The following RAB10 variants were observed in gnomAD, a reference collection of about 807,000 sequenced individuals.
RAB10 encodes the protein ras-related protein Rab-10.
RAB10 carries 5 observed loss-of-function variants against 25.7 expected under a neutral mutation model. The ratio of observed to expected loss-of-function variants is 0.19; its 90% confidence interval spans 0.10 to 0.41. The LOEUF (loss-of-function observed/expected upper bound fraction) is 0.41. RAB10 is among the 10% of genes least tolerant of loss of function. RAB10 has a pLI of 1.00. For missense variants in RAB10, 103 were observed against 245.8 expected, an observed-to-expected ratio of 0.42 and a Z score of 3.89; for synonymous variants, 89 against 86.4, an observed-to-expected ratio of 1.03 and a Z score of -0.16.
At chr2:26,134,887 A>C in intron 5 of RAB10, 51 bp from the exon 6 acceptor site, 2 of 1,413,344 alleles carry the variant, frequency 1.4e-6, no homozygotes, top group South Asian at 2.4e-5. Context: ...TCGTGATTTT[A>C]TCCATGGCAG....
chr2:26,119,372 G>A (rs187900725), intron 3 of RAB10, among the ~76,000 whole-genome samples: 9 of 152,056 alleles, frequency 5.9e-5, no homozygotes, highest in African/African-American at 2.2e-4. Context: ...TTATAGCAGT[G>A]CATTCCAGCC....
intron 1 of RAB10, among the ~76,000 whole-genome samples, chr2:26,041,914 GAAAAGA>G (rs1007878015): frequency 6.6e-6 from 1 of 151,934 alleles, no homozygotes; most frequent in Non-Finnish European, 1.5e-5. Flanking sequence ...CAAAAAAAAA[GAAAAGA>G]AAAAGAGAAA....
rs370563367 is a variant in RAB10, at chr2:26,128,187, G to A, written c.519+236G>A. On this transcript the variant is annotated intron_variant, in intron 5 of 5. Coordinates refer to ENST00000264710, the MANE Select transcript of RAB10 (RefSeq NM_016131.5). The stretch of plus-strand genomic sequence containing the variant: ...ACTACCCCACCTCAGATCATCAGGC[G>A]TTAGATCCTCCTAAGGAGCACGCAA... Among the ~76,000 whole-genome samples, 69 of 152,256 alleles carry A rather than the reference G, an allele frequency of 4.5e-4. 2 individuals carry two copies. In the South Asian group the frequency reaches 0.013, roughly 28 times the overall value.
intron 1 of RAB10, among the ~76,000 whole-genome samples, chr2:26,072,763 A>G (rs1284905229): frequency 6.6e-6 from 1 of 152,252 alleles, no homozygotes; most frequent in East Asian, 1.9e-4. Context: ...TCCAAGTGTT[A>G]TCTATTAAGC....
At chr2:26,118,635 T>C (rs1194390852) in intron 3 of RAB10, among the ~76,000 whole-genome samples, 1 of 152,204 alleles carries the variant, frequency 6.6e-6, no homozygotes, top group African/African-American at 2.4e-5. Context: ...TGATTCTCAG[T>C]CAAGGACAGT....
intron 1 of RAB10, among the ~76,000 whole-genome samples, chr2:26,087,714 C>G (rs1264510374): frequency 6.6e-6 from 1 of 152,110 alleles, no homozygotes; most frequent in Non-Finnish European, 1.5e-5. Flanking sequence ...TCTGCTGTTA[C>G]TTTTTATTTT....
chr2:26,068,558 T>C (rs1666558378), intron 1 of RAB10, among the ~76,000 whole-genome samples: 1 of 152,174 alleles, frequency 6.6e-6, no homozygotes, highest in African/African-American at 2.4e-5. Context: ...AATTTTTTTT[T>C]TGAGGTGATC....
intron 1 of RAB10, among the ~76,000 whole-genome samples, chr2:26,035,176 A>C (rs1048478243): frequency 2.0e-5 from 3 of 152,222 alleles, no homozygotes; most frequent in Admixed American, 2.0e-4. Flanking sequence ...GATAACTTAG[A>C]GTAAACTTGA....
At chr2:26,058,052 T>TA (rs906966486) in intron 1 of RAB10, among the ~76,000 whole-genome samples, 1 of 152,214 alleles carries the variant, frequency 6.6e-6, no homozygotes, top group African/African-American at 2.4e-5. Context: ...CCATAGTAGA[T>TA]ACTCAGATAT....
intron 1 of RAB10, among the ~76,000 whole-genome samples, chr2:26,081,712 C>T (rs1458948513): frequency 1.3e-5 from 2 of 151,950 alleles, no homozygotes; most frequent in African/African-American, 4.8e-5. Flanking sequence ...TTCAACTTCT[C>T]TGGAAAGTTA....
chr2:26,058,969 G>A (rs1184128049), intron 1 of RAB10, among the ~76,000 whole-genome samples: 1 of 152,186 alleles, frequency 6.6e-6, no homozygotes, highest in African/African-American at 2.4e-5. Flanking sequence ...GGGCAGGGAT[G>A]TCTGCTCACC....
At chr2:26,089,435 AAAAG>A (rs1667057796) in intron 1 of RAB10, among the ~76,000 whole-genome samples, 1 of 152,078 alleles carries the variant, frequency 6.6e-6, no homozygotes, top group Non-Finnish European at 1.5e-5. Context: ...AAAAAAAAAA[AAAAG>A]AGAGAGTGAT....
intron 1 of RAB10, among the ~76,000 whole-genome samples, chr2:26,057,813 G>A (rs1430325447): frequency 1.3e-5 from 2 of 152,030 alleles, no homozygotes; most frequent in African/African-American, 4.8e-5. Flanking sequence ...TAGTAGAGAC[G>A]GGGTTTCACC....
At chr2:26,049,265 CT>C (rs1666082267) in intron 1 of RAB10, among the ~76,000 whole-genome samples, 1 of 151,330 alleles carries the variant, frequency 6.6e-6, no homozygotes, top group African/African-American at 2.4e-5. Context: ...GCCTTTTCCC[CT>C]CTCCTAATTT....
At chr2:26,037,513 C>T (rs1255700862) in intron 1 of RAB10, among the ~76,000 whole-genome samples, 1 of 151,980 alleles carries the variant, frequency 6.6e-6, no homozygotes, top group Non-Finnish European at 1.5e-5. Flanking sequence ...GTGGCGCATG[C>T]TTGTAATCCC....
intron 1 of RAB10, among the ~76,000 whole-genome samples, chr2:26,067,041 C>G (rs1437679282): frequency 6.6e-6 from 1 of 152,066 alleles, no homozygotes; most frequent in Non-Finnish European, 1.5e-5. Flanking sequence ...CTCAGCCTCC[C>G]AAAGTGCTGG....
At chr2:26,033,783 G>C (rs527345451), upstream of RAB10, among the ~76,000 whole-genome samples, 3 of 151,864 alleles carry the variant, frequency 2.0e-5, no homozygotes. Context: ...CGGGGAGCGG[G>C]AGGCGGGAGG....
chr2:26,097,497 C>T (rs1401118771), intron 1 of RAB10, among the ~76,000 whole-genome samples: 4 of 152,112 alleles, frequency 2.6e-5, no homozygotes, highest in African/African-American at 9.7e-5. Flanking sequence ...AGACTGGTCT[C>T]GAACTCCTGA....
intron 1 of RAB10, among the ~76,000 whole-genome samples, chr2:26,088,213 T>G (rs1667027649): frequency 6.6e-6 from 1 of 152,150 alleles, no homozygotes; most frequent in African/African-American, 2.4e-5. Flanking sequence ...GGAAAACTGA[T>G]AGAGTGGCTA....
Sources: allele counts gnomAD v4.1 joint callset (sites outside exome capture counted in the v4.1 genomes callset), GRCh38; gene constraint gnomAD v4.1.1; transcripts MANE v1.5; gene names NCBI Gene and HGNC (gene_info 2026-07-23, HGNC 2026-07-21).